The following GRID2 variants were observed in gnomAD, a reference collection of about 807,000 sequenced individuals.
GRID2 encodes the protein glutamate receptor ionotropic, delta-2.
Under a neutral mutation model 114.8 loss-of-function variants are expected in GRID2, and 33 were observed. The ratio of observed to expected loss-of-function variants is 0.29; its 90% CI spans 0.22 to 0.38. The LOEUF is 0.38. Ranked by LOEUF, GRID2 falls within the 10% of genes least tolerant of loss-of-function variation. GRID2 has a pLI of 1.00. For synonymous variants in GRID2, 505 were observed against 449.9 expected (o/e 1.12, Z -1.55); for missense variants, 1,184 against 1,257.7 (o/e 0.94, Z 0.89).
rs115095477 is a variant in GRID2 at position 93,665,797 on chromosome 4, A to G, written c.2360+39362A>G. ...ACACCCTTTGTTTGTGTTACATTCT[A>G]TGTTCCTGAACAGAAAAACCCTGAC... On this transcript the variant is annotated intron_variant, in intron 14 of 15. Coordinates refer to ENST00000282020, the MANE Select transcript of GRID2 (RefSeq NM_001510.4). 7.7e-3 allele frequency among the ~76,000 whole-genome samples: 1,167 copies of G among 152,168 alleles called. 17 individuals are homozygous for G. Among genetic ancestry groups the G allele is most frequent in the African/African-American group, 0.026 (1,088 of 41,532 alleles).
At chr4:93,605,286 G>GT (rs1168927734) in intron 13 of GRID2, among the ~76,000 whole-genome samples, 1 of 152,156 alleles carries the variant, frequency 6.6e-6, no homozygotes, top group Non-Finnish European at 1.5e-5. Flanking sequence ...CAAGTGCTCA[G>GT]TAGCCATATG....
At chr4:93,782,837 T>C (rs1734506456) in intron 1 of GRID2, among the ~76,000 whole-genome samples, 1 of 152,182 alleles carries the variant, frequency 6.6e-6, no homozygotes, top group South Asian at 2.1e-4. Context: ...ATTATAATTC[T>C]TTGCTATGTA....
rs1729574691 is a variant in GRID2 at position 92,380,582 on chromosome 4, G to A, written c.88+75838G>A. On this transcript the variant is annotated intron_variant, in intron 1 of 15. Coordinates refer to ENST00000282020, the MANE Select transcript of GRID2 (RefSeq NM_001510.4). ...ACTTATGTTGCATATATATTCGTTA[G>A]CTGCCTCAAGTATTTCTGGACAAAA... is the stretch of plus-strand genomic sequence containing the variant. Among the ~76,000 whole-genome samples, 8 of 152,002 alleles carry A rather than the reference G, an allele frequency of 5.3e-5. No individual in the cohort carries two copies. In the South Asian group the frequency reaches 1.7e-3, roughly 32 times the overall value.
At chr4:92,968,838 C>T (rs1351242752) in intron 2 of GRID2, among the ~76,000 whole-genome samples, 3 of 151,756 alleles carry the variant, frequency 2.0e-5, no homozygotes, top group Admixed American at 6.6e-5. Flanking sequence ...TTTTCACTTA[C>T]TATAATCAAA....
At chr4:92,683,933 C>T (rs1733775331) in intron 2 of GRID2, among the ~76,000 whole-genome samples, 2 of 151,920 alleles carry the variant, frequency 1.3e-5, no homozygotes, top group South Asian at 2.1e-4. Flanking sequence ...AGATTTTTAA[C>T]ATATCTCTCT....
intron 1 of GRID2, among the ~76,000 whole-genome samples, chr4:92,393,776 A>T (rs962264986): frequency 6.6e-6 from 1 of 152,192 alleles, no homozygotes; most frequent in Non-Finnish European, 1.5e-5. Context: ...TTTTCTGAAT[A>T]AACATAATAA....
rs555342027 is a variant in GRID2, at chr4:93,334,390, C to A, written c.1246-61217C>A. ...CTGGAGACTTACTGTGAAAAAAAAA[C>A]CGTCGCACTTTTTGTGCAGCATCTG... On this transcript the variant is annotated intron_variant, in intron 8 of 15. Coordinates refer to ENST00000282020, the MANE Select transcript of GRID2 (RefSeq NM_001510.4). 4.1e-4 allele frequency among the ~76,000 whole-genome samples: 63 copies of A among 152,086 alleles called. 1 individual carries two copies. The South Asian group carries it at 0.012, about 30-fold the overall frequency.
chr4:92,897,945 T>C (rs184613831), intron 2 of GRID2, among the ~76,000 whole-genome samples: 12 of 152,302 alleles, frequency 7.9e-5, no homozygotes, highest in Non-Finnish European at 1.6e-4. Flanking sequence ...AGCAAACATA[T>C]ACACTTTTCC....
intron 2 of GRID2, among the ~76,000 whole-genome samples, chr4:92,680,878 G>A (rs891122367): frequency 6.6e-5 from 10 of 152,146 alleles, no homozygotes; most frequent in African/African-American, 2.4e-4. Flanking sequence ...GAATTACTTA[G>A]GTGATTGGAA....
At chr4:92,755,954 G>A (rs907151248) in intron 2 of GRID2, among the ~76,000 whole-genome samples, 3 of 152,052 alleles carry the variant, frequency 2.0e-5, no homozygotes, top group East Asian at 1.9e-4. Flanking sequence ...TATCTTTTCC[G>A]TCTGCTGAGT....
chr4:93,704,182 G>C (rs542107081), intron 14 of GRID2, among the ~76,000 whole-genome samples: 1 of 152,144 alleles, frequency 6.6e-6, no homozygotes, highest in East Asian at 1.9e-4. Context: ...TTTAATGATG[G>C]CCATTCTAAT....
intron 4 of GRID2, among the ~76,000 whole-genome samples, chr4:93,155,628 G>A (rs933089249): frequency 6.6e-6 from 1 of 151,892 alleles, no homozygotes; most frequent in Admixed American, 6.6e-5. Context: ...GTAAGAATTA[G>A]CATGGCTGGA....
rs201474830 is a variant in GRID2, at chr4:93,057,605, AC to A, written c.245-27388del. Among the ~76,000 whole-genome samples the A allele has an allele frequency of 8.4e-3, 1,272 of 152,036 alleles. 26 individuals carry two copies. Among genetic ancestry groups the A allele is most frequent in the African/African-American group, 0.029 (1,208 of 41,542 alleles). On this transcript the variant is annotated intron_variant, in intron 2 of 15. Coordinates refer to ENST00000282020, the MANE Select transcript of GRID2 (RefSeq NM_001510.4). The stretch of plus-strand genomic sequence containing the variant: ...GTTATTGATTTTATCAGGACTGCTA[AC>A]CTTGAGGAGGGCTTCCTTAAGTCTC...
intron 2 of GRID2, chr4:92,822,497 C>A (rs1193846796): frequency 2.4e-6 from 1 of 413,978 alleles, no homozygotes; most frequent in Non-Finnish European, 4.7e-6. Flanking sequence ...TGGCTCTCCA[C>A]CTGGACAGTG....
At chr4:92,707,874 A>G (rs996933825) in intron 2 of GRID2, among the ~76,000 whole-genome samples, 2 of 152,224 alleles carry the variant, frequency 1.3e-5, no homozygotes, top group Non-Finnish European at 1.5e-5. Flanking sequence ...TAGAGTGATG[A>G]ATTCTGTGAG....
chr4:92,436,866 G>C (rs1463713657), intron 1 of GRID2, among the ~76,000 whole-genome samples: 1 of 151,938 alleles, frequency 6.6e-6, no homozygotes, highest in Non-Finnish European at 1.5e-5. Flanking sequence ...GCCAATAAGT[G>C]GCATATTTAT....
intron 2 of GRID2, among the ~76,000 whole-genome samples, chr4:93,057,577 T>A (rs1310156872): frequency 6.6e-6 from 1 of 151,802 alleles, no homozygotes; most frequent in African/African-American, 2.4e-5. Context: ...TCTCTACGTA[T>A]GCGTTATTGA....
Position 93,455,802 on chromosome 4 carries a change from T to G in GRID2, c.1686T>G (p.Leu562=), listed in dbSNP as rs1177423216. 1.2e-6 allele frequency: 2 copies of G among 1,613,788 alleles called. No individual in the cohort carries two copies. The highest frequency in any genetic ancestry group is 1.1e-5 in the South Asian group (1 of 91,066). The change falls in exon 11 of 16, where the codon CTT becomes CTG. Residue 562 remains leucine, a synonymous_variant. Coordinates refer to ENST00000282020, the MANE Select transcript of GRID2 (RefSeq NM_001510.4). ...AGACAGTGGATATGTTTGCCTGTCTTGCACCATTTGATCTCTCTCTATGGG... is the reference window on the plus strand; with the variant it reads ...AGACAGTGGATATGTTTGCCTGTCTGGCACCATTTGATCTCTCTCTATGGG... ...AEKTVDMFAC[L]APFDLSLWAC...
At chr4:92,763,256 G>A (rs181311069) in intron 2 of GRID2, among the ~76,000 whole-genome samples, 2 of 152,186 alleles carry the variant, frequency 1.3e-5, no homozygotes, top group East Asian at 3.9e-4. Flanking sequence ...TAAGTGCTGG[G>A]TATACATTGA....
Sources: gnomAD v4.1 joint callset for allele counts (sites outside exome capture counted in the v4.1 genomes callset) on GRCh38, gnomAD v4.1.1 for gene constraint, MANE v1.5 for transcripts, NCBI Gene and HGNC (gene_info 2026-07-23, HGNC 2026-07-21) for gene names.